The following AGBL4 variants were observed in gnomAD, a reference collection of about 807,000 sequenced individuals.
The protein encoded by AGBL4 is AGBL carboxypeptidase 4.
A neutral mutation model predicts 66.4 loss-of-function variants in AGBL4; 58 were observed. That is an observed-to-expected ratio of 0.87 (90% confidence interval 0.71 to 1.09). AGBL4 has a LOEUF of 1.09. Among genes scored for constraint, AGBL4 ranks in the 50% least tolerant of loss-of-function variants. The pLI is 0.00. For synonymous variants in AGBL4, 234 were observed against 222.9 expected (o/e 1.05, Z -0.44); for missense variants, 579 against 631.0 (o/e 0.92, Z 0.88).
At chr1:49,286,777 G>T (rs1436823841) in intron 3 of AGBL4, among the ~76,000 whole-genome samples, 2 of 152,116 alleles carry the variant, frequency 1.3e-5, no homozygotes, top group East Asian at 1.9e-4. Context: ...CGTGAAAATG[G>T]CCATACTGCC....
rs190235390 is a variant in AGBL4, at chr1:49,156,736, G to A, written c.377+89034C>T. Among the ~76,000 whole-genome samples the A allele has an allele frequency of 7.0e-4, 107 of 152,152 alleles. 1 individual carries two copies. In the South Asian group the frequency reaches 0.01, roughly 14 times the overall value. On this transcript the variant is annotated intron_variant, in intron 4 of 13. Coordinates refer to ENST00000371839, the MANE Select transcript of AGBL4 (RefSeq NM_032785.4). ...TATTTCAGAGTAATATAACCTTATCGATTAATATAACCTTATCATCACTAA... is the reference window on the plus strand; with the variant it reads ...TATTTCAGAGTAATATAACCTTATCAATTAATATAACCTTATCATCACTAA...
intron 1 of AGBL4, among the ~76,000 whole-genome samples, chr1:49,860,411 CAT>C (rs1646539168): frequency 6.6e-6 from 1 of 152,236 alleles, no homozygotes; most frequent in South Asian, 2.1e-4. Flanking sequence ...CAATAATCCA[CAT>C]GAGTCTGGGC....
At position 49,529,822 on chromosome 1, in the gene AGBL4, C is replaced by T. The variant is rs147322020; in HGVS notation, c.282+167491G>A. ...ATGGCTTCTAGCAGACAGTTAAGGG[C>T]TAGAGATAAATGTTCCGGGACCTTA... On this transcript the variant is annotated intron_variant, in intron 3 of 13. Transcript: ENST00000371839. Among the ~76,000 whole-genome samples, 166 of 151,958 alleles carry T rather than the reference C, an allele frequency of 1.1e-3. 1 individual carries two copies. Among genetic ancestry groups the T allele is most frequent in the African/African-American group, 3.8e-3 (156 of 41,460 alleles).
chr1:49,552,543 C>T (rs749614131), intron 3 of AGBL4, among the ~76,000 whole-genome samples: 2 of 152,308 alleles, frequency 1.3e-5, no homozygotes, highest in Non-Finnish European at 2.9e-5. Flanking sequence ...CAGGTAAGGT[C>T]GGAAACTTCT....
At chr1:49,243,555 C>A (rs887508341) in intron 4 of AGBL4, among the ~76,000 whole-genome samples, 1 of 151,794 alleles carries the variant, frequency 6.6e-6, no homozygotes, top group African/African-American at 2.4e-5. Flanking sequence ...AGGAGAATAA[C>A]AATTATGATT....
intron 6 of AGBL4, among the ~76,000 whole-genome samples, chr1:48,685,838 T>C (rs1409377345): frequency 6.6e-6 from 1 of 152,222 alleles, no homozygotes; most frequent in African/African-American, 2.4e-5. Context: ...CCAGTATCTC[T>C]TGATCACCAG....
At chr1:49,824,587 T>C (rs1049359466) in intron 2 of AGBL4, among the ~76,000 whole-genome samples, 3 of 152,216 alleles carry the variant, frequency 2.0e-5, no homozygotes, top group Non-Finnish European at 4.4e-5. Context: ...AAACTGACCT[T>C]AGGGCTTCAG....
At chr1:49,700,195 T>C (rs180770095) in intron 2 of AGBL4, among the ~76,000 whole-genome samples, 8 of 151,690 alleles carry the variant, frequency 5.3e-5, no homozygotes, top group Admixed American at 1.3e-4. Context: ...ACTATACTTA[T>C]ATCAGACAAC....
chr1:48,674,056 C>A (rs1422352114), intron 6 of AGBL4, among the ~76,000 whole-genome samples: 1 of 152,162 alleles, frequency 6.6e-6, no homozygotes. Flanking sequence ...CCCGCTTGTC[C>A]CCTGCCCACC....
intron 2 of AGBL4, among the ~76,000 whole-genome samples, chr1:49,817,754 A>G (rs1645267393): frequency 6.6e-6 from 1 of 152,236 alleles, no homozygotes; most frequent in South Asian, 2.1e-4. Context: ...CTAACATCTA[A>G]TCCCATTTGT....
intron 2 of AGBL4, among the ~76,000 whole-genome samples, chr1:49,837,770 G>A (rs931539499): frequency 2.0e-5 from 3 of 152,184 alleles, no homozygotes; most frequent in African/African-American, 7.2e-5. Context: ...GCGTGAACCT[G>A]AGAGGCAGAG....
intron 1 of AGBL4, among the ~76,000 whole-genome samples, chr1:49,950,013 C>A (rs1655943610): frequency 2.1e-5 from 1 of 48,230 alleles, no homozygotes; most frequent in African/African-American, 5.4e-5. Context: ...TATATATACA[C>A]ACACATATGT....
At chr1:49,456,936 C>CTA (rs562499462) in intron 3 of AGBL4, among the ~76,000 whole-genome samples, 1,971 of 151,206 alleles carry the variant, frequency 0.013, 40 homozygotes, top group African/African-American at 0.045. Context: ...ATATTCCATG[C>CTA]TATATATATA....
chr1:49,334,673 AG>A (rs1645399119), intron 3 of AGBL4, among the ~76,000 whole-genome samples: 1 of 152,210 alleles, frequency 6.6e-6, no homozygotes, highest in African/African-American at 2.4e-5. Context: ...TATTGTATTA[AG>A]TGGAATCATT....
chr1:48,942,402 C>T (rs1656070283), intron 5 of AGBL4, among the ~76,000 whole-genome samples: 1 of 151,988 alleles, frequency 6.6e-6, no homozygotes, highest in Non-Finnish European at 1.5e-5. Context: ...GCTGAGTGAC[C>T]CTGGGCCCAT....
intron 3 of AGBL4, among the ~76,000 whole-genome samples, chr1:49,270,201 T>C (rs1401994388): frequency 6.6e-6 from 1 of 152,190 alleles, no homozygotes; most frequent in African/African-American, 2.4e-5. Flanking sequence ...CTCCCAGAAA[T>C]AGTTTTTCCT....
At chr1:49,824,114 C>T (rs1346784641) in intron 2 of AGBL4, among the ~76,000 whole-genome samples, 4 of 152,040 alleles carry the variant, frequency 2.6e-5, no homozygotes, top group Non-Finnish European at 2.9e-5. Flanking sequence ...GAGGCTCAGA[C>T]GGGAGAATCG....
chr1:49,499,940 G>T (rs892930489), intron 3 of AGBL4, among the ~76,000 whole-genome samples: 1 of 151,934 alleles, frequency 6.6e-6, no homozygotes, highest in African/African-American at 2.4e-5. Context: ...ATTCTTTAAA[G>T]AATCCCCACA....
intron 1 of AGBL4, among the ~76,000 whole-genome samples, chr1:49,871,841 G>T (rs1646845698): frequency 6.6e-6 from 1 of 151,888 alleles, no homozygotes; most frequent in African/African-American, 2.4e-5. Flanking sequence ...TTTAATTATG[G>T]CTGTTCTAAG....
Sources: allele counts gnomAD v4.1 joint callset (sites outside exome capture counted in the v4.1 genomes callset), GRCh38; gene constraint gnomAD v4.1.1; transcripts MANE v1.5; gene names NCBI Gene and HGNC (gene_info 2026-07-23, HGNC 2026-07-21).